LAMA1: variants seen among roughly 807,000 people sequenced by gnomAD.
The protein encoded by LAMA1 is laminin subunit alpha 1.
Under a neutral mutation model 348.7 loss-of-function variants are expected in LAMA1, and 219 were observed. The observed-to-expected ratio is 0.63, with a 90% confidence interval of 0.56 to 0.70. The LOEUF is 0.70. Among genes scored for constraint, LAMA1 ranks in the 30% least tolerant of loss-of-function variants. LAMA1 has a pLI of 0.00. For synonymous variants in LAMA1, 1,487 were observed against 1,491.0 expected (o/e 1.00, Z 0.06); for missense variants, 3,744 against 3,888.0 (o/e 0.96, Z 0.99).
At chr18:6,999,394 C>T (rs763480382) in intron 32 of LAMA1, 51 bp downstream of exon 32, 7 of 1,589,758 alleles carry the variant, frequency 4.4e-6, no homozygotes, top group Non-Finnish European at 4.3e-6. Context: ...TCTTTCCCGA[C>T]ACATTTGGGA....
intron 12 of LAMA1, among the ~76,000 whole-genome samples, chr18:7,036,725 T>A (rs1313808487): frequency 6.6e-6 from 1 of 151,964 alleles, no homozygotes; most frequent in Non-Finnish European, 1.5e-5. Context: ...GAGAAAAAAA[T>A]AATTTTCAAA....
At chr18:6,950,009 A>T (rs1358516451) in intron 58 of LAMA1, among the ~76,000 whole-genome samples, 1 of 152,144 alleles carries the variant, frequency 6.6e-6, no homozygotes, top group African/African-American at 2.4e-5. Context: ...ACCTTCTCCA[A>T]TTGCCCCATA....
At chr18:7,105,578 T>C (rs1419664284) in intron 1 of LAMA1, among the ~76,000 whole-genome samples, 4 of 151,956 alleles carry the variant, frequency 2.6e-5, no homozygotes, top group African/African-American at 7.3e-5. Context: ...GATCAGCAGG[T>C]TGTATAAGGG....
chr18:6,964,539 G>T (rs912217991), intron 51 of LAMA1, 123 bp downstream of exon 51: 2 of 1,221,720 alleles, frequency 1.6e-6, no homozygotes, highest in Non-Finnish European at 2.4e-6. Context: ...GCAGCCTCTA[G>T]AACTGGGAAA....
At chr18:7,032,563 T>C (rs2057975207) in intron 15 of LAMA1, among the ~76,000 whole-genome samples, 1 of 152,194 alleles carries the variant, frequency 6.6e-6, no homozygotes, top group Non-Finnish European at 1.5e-5. Flanking sequence ...ATATTTCACA[T>C]GTAAGGTGGA....
Position 7,078,723 on chromosome 18 carries a change from C to T in LAMA1, c.345+1252G>A, listed in dbSNP as rs371787457. Among the ~76,000 whole-genome samples the T allele has an allele frequency of 4.6e-5, 7 of 152,126 alleles. No homozygotes were observed. The South Asian group carries it at 1.5e-3, about 32-fold the overall frequency. On this transcript the variant is annotated intron_variant, in intron 3 of 62. Coordinates refer to ENST00000389658, the MANE Select transcript of LAMA1 (RefSeq NM_005559.4). Reference sequence around the variant, plus strand: ...CTGCACATTTGGCCAGGTCTGGTGGCTCACTCCTGTAATCCCAGCACTTTG... The same window carrying T: ...CTGCACATTTGGCCAGGTCTGGTGGTTCACTCCTGTAATCCCAGCACTTTG...
At chr18:6,942,592 T>G (rs1369725843) in intron 62 of LAMA1, among the ~76,000 whole-genome samples, 1 of 151,976 alleles carries the variant, frequency 6.6e-6, no homozygotes, top group Non-Finnish European at 1.5e-5. Context: ...TTTTGTATTT[T>G]TAGTAGAGAG....
intron 3 of LAMA1, among the ~76,000 whole-genome samples, chr18:7,057,566 C>T (rs1288895551): frequency 3.3e-5 from 5 of 149,664 alleles, no homozygotes; most frequent in African/African-American, 1.2e-4. Flanking sequence ...CCTTGACCTC[C>T]TGGGCTCAAG....
rs529262027 is a variant in LAMA1, at chr18:7,052,893, T to C, written c.346-1957A>G. ...AAAATTATCCAGGTATGGTGGTGCA[T>C]GCCTGTAGTCCGACTACTCGGGAGG... On this transcript the variant is annotated intron_variant, in intron 3 of 62. Coordinates refer to ENST00000389658, the MANE Select transcript of LAMA1 (RefSeq NM_005559.4). Among the ~76,000 whole-genome samples, 36 of 151,270 alleles carry C rather than the reference T, an allele frequency of 2.4e-4. 1 individual carries two copies. The highest frequency in any genetic ancestry group is 8.0e-4 in the African/African-American group (33 of 41,116).
In LAMA1 at chr18:6,971,893, A is replaced by G. The variant is rs774822926; in HGVS notation, c.6863T>C (p.Ile2288Thr). Reference protein sequence around the residue: ...NGKSIGLWNYIEREGKCRGCF... With the variant: ...NGKSIGLWNYTEREGKCRGCF... Reference sequence around the variant, plus strand: ...CCCACGGCACTTGCCTTCCCTTTCAATATAGTTCCATAGGCCTATGGATTT... The same window carrying G: ...CCCACGGCACTTGCCTTCCCTTTCAGTATAGTTCCATAGGCCTATGGATTT... The change falls in exon 48 of 63, where the codon ATT (isoleucine) becomes ACT (threonine). Residue 2288 changes from isoleucine to threonine, a missense_variant. Around this residue, in one of 3 missense-constraint regions of LAMA1, gnomAD observed 1,983 missense variants for 1,934.3 expected, o/e 1.03. Coordinates refer to ENST00000389658, the MANE Select transcript of LAMA1 (RefSeq NM_005559.4). 6.2e-7 allele frequency: 1 copy of G among 1,614,118 alleles called. No individual in the cohort carries two copies. Among genetic ancestry groups the G allele is most frequent in the Admixed American group, 1.7e-5 (1 of 60,016 alleles).
intron 57 of LAMA1, chr18:6,954,625 C>T (rs140815577): frequency 6.4e-6 from 1 of 156,748 alleles, no homozygotes; most frequent in Non-Finnish European, 1.4e-5. Context: ...AGGGAAAGAC[C>T]TTCCACAGAT....
At chr18:6,947,908 T>G (rs2057529493) in intron 60 of LAMA1, among the ~76,000 whole-genome samples, 1 of 152,006 alleles carries the variant, frequency 6.6e-6, no homozygotes, top group African/African-American at 2.4e-5. Context: ...CAAGGGGAGC[T>G]GAGGCCATGG....
intron 16 of LAMA1, among the ~76,000 whole-genome samples, chr18:7,029,558 A>T (rs906410528): frequency 2.0e-5 from 3 of 152,086 alleles, no homozygotes; most frequent in Non-Finnish European, 4.4e-5. Context: ...TGAAAAACCC[A>T]CTGAGGGTCT....
At chr18:7,068,762 C>T (rs957945609) in intron 3 of LAMA1, among the ~76,000 whole-genome samples, 1 of 149,028 alleles carries the variant, frequency 6.7e-6, no homozygotes. Flanking sequence ...GGAAATACTA[C>T]AATCTGAGTA....
Position 6,978,361 on chromosome 18 carries a change from C to T in LAMA1, c.6025G>A (p.Ala2009Thr), listed in dbSNP as rs147813944. The T allele has an allele frequency of 1.6e-4, 263 of 1,614,130 alleles. 1 individual carries two copies. In the African/African-American group the frequency reaches 3.0e-3, roughly 18 times the overall value. The change falls in exon 43 of 63, where the codon GCC becomes ACC. Residue 2009 changes from alanine (A) to threonine (T), a missense_variant. Around this residue, in one of 3 missense-constraint regions of LAMA1, gnomAD observed 1,983 missense variants for 1,934.3 expected, o/e 1.03. Transcript: ENST00000389658. The stretch of plus-strand genomic sequence containing the variant: ...GACGTGGCCAGCTCTTTGGTTTTGG[C>T]TCCCTTGTCTCTTATACCTAAAATA... Reference protein sequence around the residue: ...AIPKGIRDKGAKTKELATSAS... With the variant: ...AIPKGIRDKGTKTKELATSAS...
At chr18:6,956,276 T>A (rs1193151938) in intron 56 of LAMA1, 11 of 341,380 alleles carry the variant, frequency 3.2e-5, no homozygotes, top group South Asian at 1.2e-4. Flanking sequence ...TTTTTTTTTT[T>A]AAAGCAACAA....
At chr18:7,019,607 A>G (rs1424934861) in intron 19 of LAMA1, among the ~76,000 whole-genome samples, 2 of 151,312 alleles carry the variant, frequency 1.3e-5, no homozygotes, top group African/African-American at 4.9e-5. Context: ...GAAAGATTAG[A>G]TAACTTTCCA....
chr18:7,083,662 G>GA (rs1004152364), intron 1 of LAMA1, among the ~76,000 whole-genome samples: 1 of 151,670 alleles, frequency 6.6e-6, no homozygotes. Context: ...CTAATATTTG[G>GA]AAAAAAATAT....
chr18:7,047,232 A>G (rs2058045327), intron 5 of LAMA1, among the ~76,000 whole-genome samples: 1 of 151,764 alleles, frequency 6.6e-6, no homozygotes, highest in Non-Finnish European at 1.5e-5. Flanking sequence ...TTTAGTAGAG[A>G]CGGGGTTTCA....
Sources: allele counts gnomAD v4.1 joint callset (sites outside exome capture counted in the v4.1 genomes callset), GRCh38; gene constraint gnomAD v4.1.1; regional missense constraint gnomAD v4.1.1; transcripts MANE v1.5; gene names NCBI Gene and HGNC (gene_info 2026-07-23, HGNC 2026-07-21).